CDKL3: variants seen among roughly 807,000 people sequenced by gnomAD.
CDKL3 encodes cyclin dependent kinase like 3.
CDKL3 carries 65 observed loss-of-function variants against 69.3 expected under a neutral mutation model. The observed-to-expected ratio is 0.94, with a 90% CI of 0.77 to 1.15. CDKL3 has a LOEUF of 1.15. Ranked by LOEUF, CDKL3 falls within the 50% of genes most tolerant of loss-of-function variation. The probability of loss-of-function intolerance (pLI) is 0.00; values close to 1 mark genes in which losing one functional copy is unlikely to be tolerated. For synonymous variants in CDKL3, 202 were observed against 221.6 expected (o/e 0.91, Z 0.79); for missense variants, 652 against 689.2 (o/e 0.95, Z 0.61).
At chr5:134,285,581 G>A (rs958419235), downstream of CDKL3, among the ~76,000 whole-genome samples, 1 of 152,190 alleles carries the variant, frequency 6.6e-6, no homozygotes, top group African/African-American at 2.4e-5. Flanking sequence ...TAATGGGAGG[G>A]GCTGCCGCAA....
At chr5:134,335,063 T>C (rs190582320) in intron 4 of CDKL3, among the ~76,000 whole-genome samples, 131 of 152,300 alleles carry the variant, frequency 8.6e-4, no homozygotes, top group African/African-American at 3.0e-3. Context: ...TTTGCCATTA[T>C]GTAACGGCCT....
chr5:134,323,680 A>C (rs1188590328), intron 4 of CDKL3, among the ~76,000 whole-genome samples: 1 of 152,198 alleles, frequency 6.6e-6, no homozygotes, highest in African/African-American at 2.4e-5. Flanking sequence ...GAATCTAGAC[A>C]CAGACCTTAT....
intron 4 of CDKL3, among the ~76,000 whole-genome samples, chr5:134,325,125 C>T (rs1773798984): frequency 6.6e-6 from 1 of 152,126 alleles, no homozygotes. Flanking sequence ...CTGCAGTGAG[C>T]CATGAGTATG....
At chr5:134,296,209 T>C (rs1170641753), downstream of CDKL3, among the ~76,000 whole-genome samples, 4 of 152,140 alleles carry the variant, frequency 2.6e-5, no homozygotes, top group Non-Finnish European at 5.9e-5. Context: ...GTGCTGACAA[T>C]TATTTAAGAG....
At chr5:134,283,965 G>C (rs1052025285), downstream of CDKL3, among the ~76,000 whole-genome samples, 9 of 152,118 alleles carry the variant, frequency 5.9e-5, no homozygotes, top group Non-Finnish European at 5.9e-5. Context: ...AATTATTAAA[G>C]CTCCAAAATG....
chr5:134,367,492 G>A, upstream of CDKL3: 3 of 723,644 alleles, frequency 4.1e-6, no homozygotes, highest in Non-Finnish European at 5.1e-6. Flanking sequence ...TCCTGCCTCA[G>A]CCTCCCGAGT....
intron 4 of CDKL3, among the ~76,000 whole-genome samples, chr5:134,345,656 G>A (rs991281762): frequency 3.3e-5 from 5 of 152,180 alleles, no homozygotes; most frequent in Admixed American, 6.5e-5. Context: ...GGCAGGCAGG[G>A]GCAGGGGACA....
chr5:134,332,210 T>TA (rs1561576884), intron 4 of CDKL3, among the ~76,000 whole-genome samples: 1 of 152,214 alleles, frequency 6.6e-6, no homozygotes, highest in African/African-American at 2.4e-5. Flanking sequence ...GTCAGATAGA[T>TA]AGATTGCAAA....
At chr5:134,371,080 TC>T (rs1758352705), upstream of CDKL3, 2 of 216,652 alleles carry the variant, frequency 9.2e-6, no homozygotes, top group South Asian at 1.2e-4. Flanking sequence ...TAGATACTTC[TC>T]CCCCTCCCAC....
chr5:134,355,464 A>G (rs73788631), intron 3 of CDKL3, among the ~76,000 whole-genome samples: 3,613 of 152,256 alleles, frequency 0.024, 88 homozygotes, highest in African/African-American at 0.062. Context: ...AGAGTGGAAG[A>G]AAGATAAATC....
intron 3 of CDKL3, among the ~76,000 whole-genome samples, chr5:134,351,297 C>T (rs1044980477): frequency 1.3e-5 from 2 of 152,172 alleles, no homozygotes; most frequent in Admixed American, 6.6e-5. Context: ...GTCAATCTCA[C>T]GTACTCTCTT....
chr5:134,356,879 G>C (rs1754739492), intron 3 of CDKL3, among the ~76,000 whole-genome samples: 1 of 151,800 alleles, frequency 6.6e-6, no homozygotes, highest in Admixed American at 6.6e-5. Flanking sequence ...AGCTCCACGT[G>C]GATGAGGGCA....
At chr5:134,293,530 A>G (rs1401902079), downstream of CDKL3, among the ~76,000 whole-genome samples, 3 of 152,178 alleles carry the variant, frequency 2.0e-5, no homozygotes, top group East Asian at 5.8e-4. Context: ...ATCCTTAATA[A>G]AATATTAACC....
chr5:134,329,645 ATTT>A (rs1474804876), intron 4 of CDKL3, among the ~76,000 whole-genome samples: 2 of 151,394 alleles, frequency 1.3e-5, no homozygotes, highest in Admixed American at 6.6e-5. Context: ...AATTTTTTGT[ATTT>A]TTAGTAGAGA....
At chr5:134,362,834 A>G (rs907480959) in intron 2 of CDKL3, among the ~76,000 whole-genome samples, 2 of 152,160 alleles carry the variant, frequency 1.3e-5, no homozygotes, top group Non-Finnish European at 2.9e-5. Flanking sequence ...AGGCTGAGGC[A>G]TGAGAATTGC....
chr5:134,356,361 A>G (rs1042225950), intron 3 of CDKL3, among the ~76,000 whole-genome samples: 2 of 152,214 alleles, frequency 1.3e-5, no homozygotes, highest in Non-Finnish European at 2.9e-5. Context: ...CCCACCACTC[A>G]TCTACTGTGT....
chr5:134,286,917 T>C (rs1764895334), intron 8 of CDKL3, among the ~76,000 whole-genome samples: 1 of 152,132 alleles, frequency 6.6e-6, no homozygotes, highest in Non-Finnish European at 1.5e-5. Context: ...GTGGAAACAT[T>C]TAGCAAACAT....
At chr5:134,331,346 T>C (rs923290196) in intron 4 of CDKL3, among the ~76,000 whole-genome samples, 5 of 152,176 alleles carry the variant, frequency 3.3e-5, no homozygotes, top group Admixed American at 1.3e-4. Context: ...AGGGTACATG[T>C]GTAAAATGTG....
chr5:134,300,140 AC>A (rs1309747869), intron 12 of CDKL3, among the ~76,000 whole-genome samples: 1 of 152,152 alleles, frequency 6.6e-6, no homozygotes, highest in East Asian at 1.9e-4. Context: ...GGAGTTCGAG[AC>A]CAGCCTGGAC....
Sources: gnomAD v4.1 joint callset for allele counts (sites outside exome capture counted in the v4.1 genomes callset) on GRCh38, gnomAD v4.1.1 for gene constraint, MANE v1.5 for transcripts, NCBI Gene and HGNC (gene_info 2026-07-23, HGNC 2026-07-21) for gene names.